The following URI1 variants were observed in gnomAD, a reference collection of about 807,000 sequenced individuals.
URI1 encodes URI1 prefoldin like chaperone, also known as unconventional prefoldin RPB5 interactor 1.
In URI1, 39 loss-of-function variants were observed where a neutral mutation model predicts 60.2. That is an observed-to-expected ratio of 0.65 (90% CI 0.50 to 0.85). The LOEUF is 0.85. Among genes scored for constraint, URI1 ranks in the 40% least tolerant of loss-of-function variants. URI1 has a pLI of 0.00. For missense variants in URI1, 691 were observed against 665.9 expected (o/e 1.04, Z -0.42); for synonymous variants, 251 against 236.8 (o/e 1.06, Z -0.55).
chr19:29,961,497 T>G (rs912130472), intron 1 of URI1, among the ~76,000 whole-genome samples: 1 of 152,072 alleles, frequency 6.6e-6, no homozygotes, highest in Non-Finnish European at 1.5e-5. Context: ...TTCTTCCTTT[T>G]TAAGGCTGAA....
intron 1 of URI1, among the ~76,000 whole-genome samples, chr19:29,943,509 A>G (rs1286437025): frequency 1.3e-5 from 2 of 152,138 alleles, no homozygotes; most frequent in Non-Finnish European, 2.9e-5. Flanking sequence ...ATTTTATGTC[A>G]TGTTTGGAAG....
In URI1 at chr19:30,011,735, G is replaced by A. The variant is rs541115552; in HGVS notation, c.1178+499G>A. 1.7e-4 allele frequency among the ~76,000 whole-genome samples: 26 copies of A among 151,174 alleles called. 1 individual carries two copies. Among genetic ancestry groups the A allele is most frequent in the South Asian group, 1.5e-3 (7 of 4,790 alleles). On this transcript the variant is annotated intron_variant, in intron 9 of 10. Transcript: ENST00000392271. ...TCAGTGAAAATTGCTAAATGTATAC[G>A]TGGGTCTAAAACTTTATGTAGAATT...
At chr19:29,968,013 A>G in intron 1 of URI1, among the ~76,000 whole-genome samples, 1 of 152,196 alleles carries the variant, frequency 6.6e-6, no homozygotes, top group South Asian at 2.1e-4. Flanking sequence ...ATGACTTTGT[A>G]GCCACTGGGT....
In URI1 at chr19:29,986,267, T is replaced by C. The variant is rs1396847402; in HGVS notation, c.232-15T>C. ...TTTATGTTTTTTCCCTTTTTTCTTT[T>C]TTTTTAAACAATAGGTACCATTTGG... On this transcript the variant is annotated splice_polypyrimidine_tract_variant and intron_variant, in intron 3 of 10. Coordinates refer to ENST00000392271, the MANE Select transcript of URI1 (RefSeq NM_003796.3). 9 of 1,539,236 alleles carry C rather than the reference T, an allele frequency of 5.8e-6. No individual in the cohort carries two copies. The highest frequency in any genetic ancestry group is 1.7e-4 in the Middle Eastern group (1 of 5,792).
intron 1 of URI1, chr19:29,957,983 G>A (rs940198430): frequency 6.7e-6 from 1 of 149,886 alleles, no homozygotes; most frequent in Admixed American, 6.7e-5. Flanking sequence ...ATAGAGATGA[G>A]TTTGCTGTGT....
intron 1 of URI1, chr19:29,957,023 G>T (rs1787652918): frequency 1.6e-6 from 1 of 640,962 alleles, no homozygotes; most frequent in East Asian, 2.8e-5. Context: ...AAGTGGCCCA[G>T]AGTAGTCTTT....
At chr19:30,013,173 C>G (rs982404134) in intron 10 of URI1, among the ~76,000 whole-genome samples, 1 of 152,092 alleles carries the variant, frequency 6.6e-6, no homozygotes, top group Non-Finnish European at 1.5e-5. Flanking sequence ...TTTCTTCATT[C>G]TTGTGTTTTG....
At chr19:29,991,320 T>C (rs1448961999) in intron 4 of URI1, among the ~76,000 whole-genome samples, 1 of 152,214 alleles carries the variant, frequency 6.6e-6, no homozygotes, top group Non-Finnish European at 1.5e-5. Context: ...ACAGGTCATA[T>C]GCGTTTTGTT....
At chr19:29,928,687 AT>A (rs1182504630) in intron 1 of URI1, among the ~76,000 whole-genome samples, 2 of 152,354 alleles carry the variant, frequency 1.3e-5, no homozygotes, top group East Asian at 3.9e-4. Context: ...GCTGTATTAA[AT>A]TTGAATTTCA....
Position 30,006,490 on chromosome 19 carries a change from A to G in URI1, c.517+782A>G, listed in dbSNP as rs117245076. ...TTAGAAGGTGAAATAAAGGATATGT[A>G]TATTAAAGTTGAACAGAAAGACAAG... On this transcript the variant is annotated intron_variant, in intron 6 of 10. Transcript: ENST00000392271. Among the ~76,000 whole-genome samples, 144 of 152,242 alleles carry G rather than the reference A, an allele frequency of 9.5e-4. 3 individuals carry two copies. In the East Asian group the frequency reaches 0.027, roughly 28 times the overall value.
At chr19:30,000,101 A>G (rs2055859631) in intron 4 of URI1, among the ~76,000 whole-genome samples, 1 of 151,644 alleles carries the variant, frequency 6.6e-6, no homozygotes, top group Non-Finnish European at 1.5e-5. Context: ...TTGTATCACA[A>G]TTTTTGTTGA....
intron 6 of URI1, 60 bp from the exon 7 acceptor site, chr19:30,007,410 G>A: frequency 6.4e-7 from 1 of 1,564,512 alleles, no homozygotes; most frequent in East Asian, 2.3e-5. Context: ...CATTAAGTCT[G>A]GGTTTGTGCC....
chr19:30,010,050 C>G (rs2055997955), intron 8 of URI1, among the ~76,000 whole-genome samples: 4 of 152,166 alleles, frequency 2.6e-5, no homozygotes. Context: ...TTTGCCCTCT[C>G]TCTGCTCCAT....
chr19:29,923,882 C>A (rs943798819), intron 1 of URI1: 3 of 942,888 alleles, frequency 3.2e-6, no homozygotes, highest in African/African-American at 1.6e-5. Context: ...GTAGACATAG[C>A]TATAGACCTG....
intron 4 of URI1, among the ~76,000 whole-genome samples, chr19:29,996,479 T>TTGTGTGTGTGTG (rs140817981): frequency 4.7e-5 from 7 of 150,428 alleles, no homozygotes; most frequent in Admixed American, 1.3e-4. Context: ...CAAGGGTGTT[T>TTGTGTGTGTGTG]TGTGTGTGTG....
intron 1 of URI1, among the ~76,000 whole-genome samples, chr19:29,963,108 G>A (rs976379258): frequency 6.6e-6 from 1 of 152,064 alleles, no homozygotes; most frequent in African/African-American, 2.4e-5. Flanking sequence ...TTTTCTTTGT[G>A]CTTCTCTTGC....
rs2055429298 is a variant in URI1, at chr19:29,969,307, A to T, written c.118-1886A>T. ...AAAGGAACAGGGCAAGAATGGCCGG[A>T]ACGAAGTGGAGGGTAGACTATGGGG... is the stretch of plus-strand genomic sequence containing the variant. On this transcript the variant is annotated intron_variant, in intron 1 of 10. Transcript: ENST00000392271. Among the ~76,000 whole-genome samples the T allele has an allele frequency of 2.0e-5, 3 of 152,218 alleles. 1 individual carries two copies. Among genetic ancestry groups the T allele is most frequent in the Admixed American group, 2.0e-4 (3 of 15,288 alleles).
chr19:30,014,747 A>G (rs1421773731), intron 10 of URI1, 140 bp from the exon 11 acceptor site: 1 of 669,546 alleles, frequency 1.5e-6, no homozygotes. Flanking sequence ...AACAATTAGT[A>G]TTTTGGTGTA....
chr19:29,953,996 G>A (rs2055211579), intron 1 of URI1, among the ~76,000 whole-genome samples: 1 of 152,094 alleles, frequency 6.6e-6, no homozygotes, highest in Admixed American at 6.5e-5. Context: ...TGGGTTCAAT[G>A]GACCCTGACT....
Sources: allele counts gnomAD v4.1 joint callset (sites outside exome capture counted in the v4.1 genomes callset), GRCh38; gene constraint gnomAD v4.1.1; transcripts MANE v1.5; gene names NCBI Gene and HGNC (gene_info 2026-07-23, HGNC 2026-07-21).